The following ASIP variants were observed in gnomAD, a reference collection of about 807,000 sequenced individuals.
ASIP encodes the protein agouti-signaling protein.
Under a neutral mutation model 10.3 loss-of-function variants are expected in ASIP, and 11 were observed. The ratio of observed to expected loss-of-function variants is 1.07; its 90% confidence interval spans 0.68 to 1.78. ASIP has a LOEUF of 1.78. ASIP is among the 40% of genes most tolerant of loss of function. The probability of loss-of-function intolerance (pLI) is 0.00; values close to 1 mark genes in which losing one functional copy is unlikely to be tolerated. For synonymous variants in ASIP, 70 were observed against 70.8 expected (o/e 0.99, Z 0.06); for missense variants, 180 against 169.2 (o/e 1.06, Z -0.35).
chr20:34,212,473 A>C (rs2034980923), intron 1 of ASIP, among the ~76,000 whole-genome samples: 1 of 152,238 alleles, frequency 6.6e-6, no homozygotes, highest in Non-Finnish European at 1.5e-5. Flanking sequence ...AAGAATAAGA[A>C]TATTTTCTTA....
chr20:34,246,763 C>T (rs1444028545), intron 1 of ASIP, among the ~76,000 whole-genome samples: 2 of 152,090 alleles, frequency 1.3e-5, no homozygotes, highest in Non-Finnish European at 1.5e-5. Flanking sequence ...GGGCCTTCAT[C>T]TTTTATATTT....
chr20:34,257,070 C>T (rs201868933), intron 1 of ASIP, among the ~76,000 whole-genome samples: 14,631 of 139,232 alleles, frequency 0.11, 851 homozygotes, highest in East Asian at 0.21. Context: ...CTTTCTTTCT[C>T]TTTTTTTTTT....
chr20:34,217,584 C>T, intron 1 of ASIP, among the ~76,000 whole-genome samples: 1 of 148,190 alleles, frequency 6.7e-6, no homozygotes, highest in Non-Finnish European at 1.5e-5. Context: ...TTTATTGAGA[C>T]GGAGTCTCGC....
intron 1 of ASIP, among the ~76,000 whole-genome samples, chr20:34,236,087 AAGG>A (rs1340770905): frequency 1.3e-5 from 2 of 149,800 alleles, no homozygotes; most frequent in East Asian, 3.9e-4. Flanking sequence ...AAAGAGAAGG[AAGG>A]AAGGAAGGAG....
At chr20:34,216,012 A>G in intron 1 of ASIP, 1 of 694,404 alleles carries the variant, frequency 1.4e-6, no homozygotes, top group Non-Finnish European at 2.6e-6. Flanking sequence ...CTCCATGGTC[A>G]GCCAGCGGAA....
intron 1 of ASIP, chr20:34,215,729 A>G: frequency 6.8e-7 from 1 of 1,463,066 alleles, no homozygotes. Flanking sequence ...TTGAAAGCAG[A>G]AAAACTTTAC....
chr20:34,241,181 T>C (rs2035279165), upstream of ASIP, among the ~76,000 whole-genome samples: 1 of 152,226 alleles, frequency 6.6e-6, no homozygotes, highest in Admixed American at 6.5e-5. Flanking sequence ...TTAACTTTTA[T>C]ATGAACTGGG....
At chr20:34,215,035 T>A (rs2034998356) in intron 1 of ASIP, 1 of 1,479,264 alleles carries the variant, frequency 6.8e-7, no homozygotes, top group Non-Finnish European at 9.5e-7. Context: ...TGAAAAGAAG[T>A]CAACATCTTC....
chr20:34,258,550 T>C lies in ASIP; in HGVS notation c.-10-1815T>C, dbSNP rs1348836453. On this transcript the variant is annotated intron_variant, in intron 1 of 3. Transcript: ENST00000374954. ...GATCAGTGGGAAAGGACAAGCATCA[T>C]ATGGGGACCAGGAAGTAGCCAAGCT... 3.4e-5 allele frequency among the ~76,000 whole-genome samples: 5 copies of C among 147,038 alleles called. No individual in the cohort carries two copies. In the East Asian group the frequency reaches 8.1e-4, roughly 24 times the overall value.
intron 1 of ASIP, chr20:34,213,984 CTT>C: frequency 6.3e-7 from 1 of 1,578,042 alleles, no homozygotes; most frequent in Non-Finnish European, 8.6e-7. Context: ...GAATTTTAAA[CTT>C]CTCCATTAGT....
rs549725591 is a variant in ASIP at position 34,203,620 on chromosome 20, C to T, written c.-11+8860C>T. 1.0e-3 allele frequency among the ~76,000 whole-genome samples: 156 copies of T among 152,082 alleles called. 1 individual carries two copies. Among genetic ancestry groups the T allele is most frequent in the South Asian group, 9.8e-3 (47 of 4,814 alleles). On this transcript the variant is annotated intron_variant, in intron 1 of 3. Transcript: ENST00000568305. ...CCACGTTGGCCTGGCTGGTCTCGAA[C>T]GCCTAACTTCAAGTGATCCTCCCAC...
intron 3 of ASIP, among the ~76,000 whole-genome samples, chr20:34,266,049 ATC>A (rs777329591): frequency 6.6e-6 from 1 of 151,422 alleles, no homozygotes; most frequent in Non-Finnish European, 1.5e-5. Context: ...TGAGGCCTAA[ATC>A]TCTGTGTTAA....
chr20:34,203,388 A>G (rs1027213780), intron 1 of ASIP, among the ~76,000 whole-genome samples: 1 of 151,040 alleles, frequency 6.6e-6, no homozygotes, highest in Admixed American at 6.6e-5. Flanking sequence ...AGTGGCATAT[A>G]TATATGTATA....
At chr20:34,253,297 G>C (rs146696424) in intron 1 of ASIP, among the ~76,000 whole-genome samples, 1 of 150,970 alleles carries the variant, frequency 6.6e-6, no homozygotes, top group Non-Finnish European at 1.5e-5. Flanking sequence ...TAGTAGAGAC[G>C]GGGTTTCACC....
At chr20:34,245,195 G>T (rs577969393) in intron 1 of ASIP, among the ~76,000 whole-genome samples, 1 of 151,192 alleles carries the variant, frequency 6.6e-6, no homozygotes, top group Non-Finnish European at 1.5e-5. Context: ...TTAGCTGGGC[G>T]TGGTGGCAGG....
the ASIP span, among the ~76,000 whole-genome samples, chr20:34,188,083 G>A: frequency 9.2e-4 from 140 of 152,276 alleles, no homozygotes; most frequent in Middle Eastern, 3.4e-3. Context: ...TATTCAGATC[G>A]ACTTGTTCTG....
At chr20:34,251,447 G>A (rs1028137076) in intron 1 of ASIP, among the ~76,000 whole-genome samples, 4 of 151,250 alleles carry the variant, frequency 2.6e-5, no homozygotes, top group African/African-American at 7.3e-5. Context: ...ATTTTTTTTT[G>A]TATTTTTTAA....
intron 1 of ASIP, chr20:34,213,452 T>A: frequency 9.0e-7 from 1 of 1,107,660 alleles, no homozygotes; most frequent in Admixed American, 2.3e-5. Flanking sequence ...GAGTCATAGG[T>A]AGAGACTGAG....
chr20:34,199,290 T>C (rs1165631934), intron 1 of ASIP, among the ~76,000 whole-genome samples: 3 of 152,144 alleles, frequency 2.0e-5, no homozygotes, highest in Non-Finnish European at 4.4e-5. Flanking sequence ...ATTAGGAACA[T>C]CTGTGAATAC....
Sources: gnomAD v4.1 joint callset for allele counts (sites outside exome capture counted in the v4.1 genomes callset) on GRCh38, gnomAD v4.1.1 for gene constraint, MANE v1.5 for transcripts, NCBI Gene and HGNC (gene_info 2026-07-23, HGNC 2026-07-21) for gene names.